Variants in DKK2 observed in about 807,000 individuals in gnomAD.
The protein encoded by DKK2 is dickkopf-related protein 2.
Under a neutral mutation model 28.1 loss-of-function variants are expected in DKK2, and 11 were observed. The observed-to-expected ratio is 0.39, with a 90% CI of 0.25 to 0.65. The LOEUF (loss-of-function observed/expected upper bound fraction) is 0.65, where lower values mean the gene tolerates loss of function less well. Among genes scored for constraint, DKK2 ranks in the 30% least tolerant of loss-of-function variants. The probability of loss-of-function intolerance (pLI) is 0.47; values close to 1 mark genes in which losing one functional copy is unlikely to be tolerated. For missense variants in DKK2, 326 were observed against 335.5 expected, an observed-to-expected ratio of 0.97 and a Z score of 0.22; for synonymous variants, 135 against 126.5, an observed-to-expected ratio of 1.07 and a Z score of -0.45.
intron 1 of DKK2, among the ~76,000 whole-genome samples, chr4:106,951,297 A>G (rs1180194379): frequency 1.3e-5 from 2 of 152,132 alleles, no homozygotes; most frequent in Non-Finnish European, 2.9e-5. Context: ...ACAACAACAA[A>G]AGAACTACCA....
chr4:106,973,995 C>A (rs1372826194), intron 1 of DKK2, among the ~76,000 whole-genome samples: 2 of 152,094 alleles, frequency 1.3e-5, no homozygotes, highest in Non-Finnish European at 2.9e-5. Context: ...ATAGGGAATC[C>A]TTTTCCCATT....
chr4:107,012,337 A>G (rs1456284308), intron 1 of DKK2, among the ~76,000 whole-genome samples: 1 of 151,398 alleles, frequency 6.6e-6, no homozygotes, highest in Non-Finnish European at 1.5e-5. Flanking sequence ...TATGATTAAA[A>G]TAAATTTCAT....
chr4:106,958,710 G>A (rs776665251), intron 1 of DKK2, among the ~76,000 whole-genome samples: 7 of 151,442 alleles, frequency 4.6e-5, no homozygotes, highest in Non-Finnish European at 1.0e-4. Flanking sequence ...GGTGGCAGGC[G>A]CCTGTAATCT....
At chr4:106,997,941 T>C (rs1246810522) in intron 1 of DKK2, among the ~76,000 whole-genome samples, 2 of 152,242 alleles carry the variant, frequency 1.3e-5, no homozygotes, top group Non-Finnish European at 2.9e-5. Flanking sequence ...ACTATTGTTC[T>C]CTTCTAGAGG....
chr4:107,025,715 C>A (rs1723769015), intron 1 of DKK2, among the ~76,000 whole-genome samples: 2 of 152,174 alleles, frequency 1.3e-5, no homozygotes, highest in African/African-American at 4.8e-5. Flanking sequence ...TGAGCAACAA[C>A]AATACAGTCG....
intron 1 of DKK2, among the ~76,000 whole-genome samples, chr4:106,938,424 A>G (rs1164577394): frequency 6.6e-6 from 1 of 152,210 alleles, no homozygotes; most frequent in Non-Finnish European, 1.5e-5. Context: ...ACCAGGAAGA[A>G]GTTGAATCTC....
intron 1 of DKK2, among the ~76,000 whole-genome samples, chr4:107,004,638 G>A (rs1197496411): frequency 6.6e-6 from 1 of 152,120 alleles, no homozygotes; most frequent in African/African-American, 2.4e-5. Context: ...CAGAATAATA[G>A]TCCCCCGAAG....
At position 106,925,774 on chromosome 4, in the gene DKK2, A is replaced by G. The variant is rs779469877; in HGVS notation, c.373+25T>C. 9.4e-6 allele frequency: 15 copies of G among 1,592,786 alleles called. No homozygotes were observed. In the South Asian group the frequency reaches 1.0e-4, roughly 11 times the overall value. Reference sequence around the variant, plus strand: ...TATGATGATGAAAAGAAAGAGGCCCATTAACACTTAGTGAGATCTTTTACC... The same window carrying G: ...TATGATGATGAAAAGAAAGAGGCCCGTTAACACTTAGTGAGATCTTTTACC... On this transcript the variant is annotated intron_variant, in intron 2 of 3. Coordinates refer to ENST00000285311, the MANE Select transcript of DKK2 (RefSeq NM_014421.3).
rs28412358 is a variant in DKK2 at position 106,972,342 on chromosome 4, C to A, written c.223-46393G>T. On this transcript the variant is annotated intron_variant, in intron 1 of 3. Transcript: ENST00000285311. ...ACCTAGATAGACTTTTACTACATAG[C>A]TTCTTGATTATTACTTGAATCAAAG... is the stretch of plus-strand genomic sequence containing the variant. Among the ~76,000 whole-genome samples, 63 of 151,450 alleles carry A rather than the reference C, an allele frequency of 4.2e-4. 1 individual carries two copies. The highest frequency in any genetic ancestry group is 1.4e-3 in the African/African-American group (57 of 41,280).
chr4:106,948,409 C>T (rs2110346052), intron 1 of DKK2, among the ~76,000 whole-genome samples: 1 of 152,240 alleles, frequency 6.6e-6, no homozygotes, highest in South Asian at 2.1e-4. Flanking sequence ...TTCCCATTCC[C>T]CTATTCTTTA....
intron 1 of DKK2, among the ~76,000 whole-genome samples, chr4:106,941,210 C>T (rs974688529): frequency 6.6e-6 from 1 of 152,032 alleles, no homozygotes; most frequent in African/African-American, 2.4e-5. Context: ...CCTTTTCTCC[C>T]TTTGCCATTT....
At chr4:107,026,016 A>T (rs769266880) in intron 1 of DKK2, among the ~76,000 whole-genome samples, 6 of 152,214 alleles carry the variant, frequency 3.9e-5, no homozygotes, top group Non-Finnish European at 8.8e-5. Context: ...TGTCAGAGGC[A>T]TTGATTATAG....
intron 1 of DKK2, among the ~76,000 whole-genome samples, chr4:106,931,762 G>A (rs547420076): frequency 3.0e-4 from 46 of 152,056 alleles, no homozygotes; most frequent in Admixed American, 1.1e-3. Context: ...ACAAGTCATC[G>A]CAACTATTTT....
chr4:106,943,435 C>G (rs1199218272), intron 1 of DKK2, among the ~76,000 whole-genome samples: 1 of 151,906 alleles, frequency 6.6e-6, no homozygotes, highest in Non-Finnish European at 1.5e-5. Context: ...CAAAAATACT[C>G]AATTAAGAAC....
At chr4:106,964,057 T>C (rs558387123) in intron 1 of DKK2, among the ~76,000 whole-genome samples, 22 of 152,338 alleles carry the variant, frequency 1.4e-4, no homozygotes, top group African/African-American at 4.8e-4. Flanking sequence ...CCATGCTTTT[T>C]GGTTACTATA....
chr4:106,956,479 T>C (rs1011089712), intron 1 of DKK2, among the ~76,000 whole-genome samples: 3 of 152,206 alleles, frequency 2.0e-5, no homozygotes, highest in South Asian at 4.1e-4. Flanking sequence ...GCTGGAGGCA[T>C]CACACTACCT....
intron 1 of DKK2, among the ~76,000 whole-genome samples, chr4:106,938,624 A>C (rs1724639321): frequency 6.6e-6 from 1 of 152,238 alleles, no homozygotes. Flanking sequence ...GGCCAGCATC[A>C]TTCTGATACC....
chr4:106,948,953 T>G (rs1724819051), intron 1 of DKK2, among the ~76,000 whole-genome samples: 2 of 152,190 alleles, frequency 1.3e-5, no homozygotes, highest in Non-Finnish European at 2.9e-5. Flanking sequence ...TGTATTGAAG[T>G]GCCTGGGACT....
rs368143825 is a variant in DKK2 at position 106,957,486 on chromosome 4, G to A, written c.223-31537C>T. ...TATTGTAGCACTATTCACAATAGCA[G>A]AGACTTGGAACCAACCCAAATGTCC... On this transcript the variant is annotated intron_variant, in intron 1 of 3. Coordinates refer to ENST00000285311, the MANE Select transcript of DKK2 (RefSeq NM_014421.3). Among the ~76,000 whole-genome samples the A allele has an allele frequency of 6.9e-3, 1,042 of 152,018 alleles. 9 individuals carry two copies. Among genetic ancestry groups the A allele is most frequent in the African/African-American group, 0.021 (875 of 41,466 alleles).
Sources: gnomAD v4.1 joint callset for allele counts (sites outside exome capture counted in the v4.1 genomes callset) on GRCh38, gnomAD v4.1.1 for gene constraint, MANE v1.5 for transcripts, NCBI Gene and HGNC (gene_info 2026-07-23, HGNC 2026-07-21) for gene names.